Variants in PRKN observed in about 807,000 individuals in gnomAD.
PRKN encodes the protein parkin RBR E3 ubiquitin protein ligase.
Under a neutral mutation model 59.5 loss-of-function variants are expected in PRKN, and 56 were observed. The ratio of observed to expected loss-of-function variants is 0.94; its 90% CI spans 0.76 to 1.18. PRKN has a LOEUF of 1.18. Ranked by LOEUF, PRKN falls within the 50% of genes most tolerant of loss-of-function variation. The probability of loss-of-function intolerance (pLI) is 0.00; values close to 1 mark genes in which losing one functional copy is unlikely to be tolerated. For synonymous variants in PRKN, 250 were observed against 222.1 expected (o/e 1.13, Z -1.12); for missense variants, 657 against 596.4 (o/e 1.10, Z -1.06).
Position 161,366,768 on chromosome 6 carries a change from C to T in PRKN, c.1168-6563G>A, listed in dbSNP as rs555633050. Among the ~76,000 whole-genome samples the T allele has an allele frequency of 1.1e-3, 172 of 152,208 alleles. 1 individual carries two copies. Among genetic ancestry groups the T allele is most frequent in the Non-Finnish European group, 1.8e-3 (120 of 68,014 alleles). On this transcript the variant is annotated intron_variant, in intron 10 of 11. Transcript: ENST00000366898. ...GGCCGACACCAACTTGTAACCAGCC[C>T]GGGTGTTTCTGTACCTGACTTCCGA...
At chr6:162,641,187 C>CATAT (rs1370936599) in intron 1 of PRKN, among the ~76,000 whole-genome samples, 10 of 152,088 alleles carry the variant, frequency 6.6e-5, no homozygotes, top group Admixed American at 1.3e-4. Flanking sequence ...CAACTATCTT[C>CATAT]ATACAGTTCT....
intron 6 of PRKN, among the ~76,000 whole-genome samples, chr6:161,907,400 C>A (rs1015870981): frequency 1.3e-5 from 2 of 152,158 alleles, no homozygotes; most frequent in African/African-American, 2.4e-5. Flanking sequence ...TCCTATTACA[C>A]CTTAAAAATT....
chr6:161,702,485 G>T (rs1196703443), intron 7 of PRKN, among the ~76,000 whole-genome samples: 3 of 152,066 alleles, frequency 2.0e-5, no homozygotes, highest in Non-Finnish European at 4.4e-5. Flanking sequence ...AAGGTCCTTG[G>T]AGTAGTCAAA....
intron 6 of PRKN, among the ~76,000 whole-genome samples, chr6:161,946,098 A>G (rs1160914497): frequency 6.6e-6 from 1 of 152,152 alleles, no homozygotes; most frequent in East Asian, 1.9e-4. Context: ...GAAACCGTAG[A>G]ATGAGTAGAA....
intron 2 of PRKN, among the ~76,000 whole-genome samples, chr6:162,435,435 T>A (rs1583568192): frequency 3.3e-5 from 5 of 152,282 alleles, no homozygotes; most frequent in South Asian, 4.1e-4. Context: ...ATGTCAAGGC[T>A]TCCTTTCAAA....
At chr6:161,781,798 T>C (rs902830091) in intron 7 of PRKN, among the ~76,000 whole-genome samples, 6 of 152,118 alleles carry the variant, frequency 3.9e-5, no homozygotes, top group African/African-American at 1.4e-4. Flanking sequence ...CACCAAAGGA[T>C]CCTAAACACA....
intron 6 of PRKN, among the ~76,000 whole-genome samples, chr6:161,899,196 GA>G (rs1470509195): frequency 1.8e-4 from 27 of 152,236 alleles, no homozygotes; most frequent in Non-Finnish European, 2.9e-5. Context: ...AGGCTGAAAT[GA>G]GAAACTTCAG....
Position 161,762,779 on chromosome 6 carries a change from A to G in PRKN, c.871+22993T>C, listed in dbSNP as rs150021855. Among the ~76,000 whole-genome samples the G allele has an allele frequency of 1.9e-3, 295 of 152,340 alleles. 1 individual carries two copies. The highest frequency in any genetic ancestry group is 6.7e-3 in the African/African-American group (278 of 41,584). ...TATATTCTTGATGCATAATTGCTAC[A>G]TTCTAGGCCACCATTGCTCTCAAAT... On this transcript the variant is annotated intron_variant, in intron 7 of 11. Transcript: ENST00000366898.
chr6:162,167,151 A>G (rs1277465932), intron 4 of PRKN, among the ~76,000 whole-genome samples: 1 of 152,198 alleles, frequency 6.6e-6, no homozygotes, highest in Non-Finnish European at 1.5e-5. Context: ...CCATTTTCGC[A>G]TTGTCAAATG....
At chr6:162,286,306 G>T (rs1481978141) in intron 2 of PRKN, among the ~76,000 whole-genome samples, 1 of 151,990 alleles carries the variant, frequency 6.6e-6, no homozygotes, top group Non-Finnish European at 1.5e-5. Context: ...TTGTTTGTTT[G>T]TTTTTCCTAA....
intron 10 of PRKN, among the ~76,000 whole-genome samples, chr6:161,383,250 GT>G (rs1172349200): frequency 6.6e-6 from 1 of 152,218 alleles, no homozygotes; most frequent in Non-Finnish European, 1.5e-5. Flanking sequence ...CCTTCATTCT[GT>G]TATCAAATCG....
At position 161,549,385 on chromosome 6, in the gene PRKN, AATACATCGCT is replaced by A. The variant is rs1174355711; in HGVS notation, c.934-392_934-383del. 6.6e-6 allele frequency among the ~76,000 whole-genome samples: 1 copy of A among 152,208 alleles called. No individual in the cohort carries two copies. The highest frequency in any genetic ancestry group is 1.5e-5 in the Non-Finnish European group (1 of 68,038). On this transcript the variant is annotated intron_variant, in intron 8 of 11. Coordinates refer to ENST00000366898, the MANE Select transcript of PRKN (RefSeq NM_004562.3). The surrounding 1 kb of genome is among the most constrained non-coding windows in gnomAD (Gnocchi z 6.0). ...TATGTATTAAATGATGAACACTTTT[AATACATCGCT>A]ATCAATCTTATAAAGCAATATATTG...
intron 1 of PRKN, among the ~76,000 whole-genome samples, chr6:162,447,788 A>G (rs1356981857): frequency 6.6e-6 from 1 of 152,128 alleles, no homozygotes; most frequent in African/African-American, 2.4e-5. Context: ...TGCACTGAGA[A>G]GAGCAATGTC....
intron 7 of PRKN, among the ~76,000 whole-genome samples, chr6:161,687,388 C>CAAAAAAAAAA (rs1192587302): frequency 1.9e-5 from 1 of 51,558 alleles, no homozygotes; most frequent in Admixed American, 3.2e-4. Context: ...GACTCCATCT[C>CAAAAAAAAAA]AAAAAAAAAA....
At chr6:162,306,105 C>T (rs1329155823) in intron 2 of PRKN, among the ~76,000 whole-genome samples, 1 of 151,872 alleles carries the variant, frequency 6.6e-6, no homozygotes, top group Non-Finnish European at 1.5e-5. Context: ...CATAAGTTCC[C>T]TTTCTCCCAA....
intron 1 of PRKN, among the ~76,000 whole-genome samples, chr6:162,716,750 AC>A (rs1247648897): frequency 8.7e-5 from 13 of 149,236 alleles, no homozygotes; most frequent in Non-Finnish European, 1.8e-4. Context: ...CATACACCCT[AC>A]CCGCCTGCGC....
intron 9 of PRKN, among the ~76,000 whole-genome samples, chr6:161,434,701 C>G (rs545947058): frequency 3.3e-5 from 5 of 152,270 alleles, no homozygotes; most frequent in Admixed American, 2.6e-4. Context: ...TTTCACCTGT[C>G]TCTTCAGGAT....
At chr6:161,539,804 T>A (rs1779554610) in intron 9 of PRKN, among the ~76,000 whole-genome samples, 1 of 152,204 alleles carries the variant, frequency 6.6e-6, no homozygotes, top group African/African-American at 2.4e-5. Flanking sequence ...ATATCTTATA[T>A]GCTCATGTGC....
intron 1 of PRKN, among the ~76,000 whole-genome samples, chr6:162,550,861 C>T (rs1235530949): frequency 6.6e-6 from 1 of 152,096 alleles, no homozygotes; most frequent in Non-Finnish European, 1.5e-5. Flanking sequence ...ACTGGAGTGG[C>T]GTGTGAGGTA....
Sources: gnomAD v4.1 joint callset for allele counts (sites outside exome capture counted in the v4.1 genomes callset) on GRCh38, gnomAD v4.1.1 for gene constraint, Gnocchi (gnomAD v3.1) non-coding constraint, MANE v1.5 for transcripts, NCBI Gene and HGNC (gene_info 2026-07-23, HGNC 2026-07-21) for gene names.